MYO9B: variants seen among roughly 807,000 people sequenced by gnomAD.
The protein encoded by MYO9B is myosin IXB.
MYO9B carries 71 observed loss-of-function variants against 229.5 expected under a neutral mutation model. The ratio of observed to expected loss-of-function variants is 0.31; its 90% CI spans 0.26 to 0.38. The LOEUF is 0.38. Ranked by LOEUF, MYO9B falls within the 10% of genes least tolerant of loss-of-function variation. The pLI is 1.00. For missense variants in MYO9B, 2,255 were observed against 2,920.5 expected, an observed-to-expected ratio of 0.77 and a Z score of 5.25; for synonymous variants, 1,185 against 1,235.8, an observed-to-expected ratio of 0.96 and a Z score of 0.86.
chr19:17,197,908 G>C (rs769374789), intron 23 of MYO9B, 50 bp downstream of exon 23: 3 of 1,601,854 alleles, frequency 1.9e-6, no homozygotes, highest in Non-Finnish European at 2.6e-6. Context: ...ACAAAAATCA[G>C]CCAGGCGTGG....
intron 36 of MYO9B, 68 bp from the exon 37 acceptor site, chr19:17,210,264 AT>A: frequency 6.9e-7 from 1 of 1,450,986 alleles, no homozygotes; most frequent in Non-Finnish European, 9.2e-7. Flanking sequence ...CGGTCATTGG[AT>A]GTATCCCCAG....
In MYO9B at chr19:17,179,685, C is replaced by T. The variant is rs1276873141; in HGVS notation, c.2220-1242C>T. Among the ~76,000 whole-genome samples the T allele has an allele frequency of 4.0e-5, 6 of 151,852 alleles. No individual in the cohort carries two copies. In the East Asian group the frequency reaches 9.9e-4, roughly 25 times the overall value. ...CAGGTGATCTGCCCTGCTCAGCCTC[C>T]GAAAGTGCTGGGATTACAGGCATGA... On this transcript the variant is annotated intron_variant, in intron 14 of 39. Transcript: ENST00000682292.
intron 2 of MYO9B, among the ~76,000 whole-genome samples, chr19:17,123,448 G>A (rs1363331924): frequency 6.6e-6 from 1 of 151,730 alleles, no homozygotes; most frequent in African/African-American, 2.4e-5. Context: ...GTGTGTGTGT[G>A]TGTGTGTGTG....
At chr19:17,108,313 C>T (rs1372765176) in intron 2 of MYO9B, among the ~76,000 whole-genome samples, 1 of 152,194 alleles carries the variant, frequency 6.6e-6, no homozygotes, top group Admixed American at 6.5e-5. Context: ...AATAAACGTG[C>T]TTCCTGGGGC....
intron 20 of MYO9B, 51 bp from the exon 21 acceptor site, chr19:17,192,695 G>C: frequency 6.9e-7 from 1 of 1,452,996 alleles, no homozygotes. Flanking sequence ...CAGGCACAGA[G>C]ATGGTGTCAG....
intron 38 of MYO9B, among the ~76,000 whole-genome samples, chr19:17,211,324 T>G (rs545257305): frequency 1.3e-5 from 2 of 152,270 alleles, no homozygotes; most frequent in South Asian, 4.2e-4. Context: ...CAGGCTGGAT[T>G]GCAGTGGTGC....
intron 1 of MYO9B, among the ~76,000 whole-genome samples, chr19:17,086,716 C>T (rs1277351641): frequency 6.6e-6 from 1 of 152,096 alleles, no homozygotes; most frequent in Non-Finnish European, 1.5e-5. Context: ...CCTGTCTCTA[C>T]TAAAAATACA....
rs142373029 is a variant in MYO9B, at chr19:17,083,458, C to T, written c.-59+7584C>T. Among the ~76,000 whole-genome samples the T allele has an allele frequency of 3.7e-3, 566 of 152,230 alleles. 1 individual carries two copies. Among genetic ancestry groups the T allele is most frequent in the African/African-American group, 0.013 (527 of 41,538 alleles). On this transcript the variant is annotated intron_variant, in intron 1 of 39. Coordinates refer to ENST00000682292, the MANE Select transcript of MYO9B (RefSeq NM_004145.4). ...TTGAACAGCATCCCCGGCCTCCACC[C>T]TTCAGATGCCAGTAGCACCCCCTGC...
At chr19:17,205,810 C>T (rs2073153444) in intron 31 of MYO9B, 150 bp from the exon 32 acceptor site, 1 of 820,874 alleles carries the variant, frequency 1.2e-6, no homozygotes, top group Non-Finnish European at 1.8e-6. Flanking sequence ...CCCCACACCC[C>T]CAACAACCAC....
intron 29 of MYO9B, 52 bp from the exon 30 acceptor site, chr19:17,203,095 G>T: frequency 6.7e-7 from 1 of 1,483,488 alleles, no homozygotes; most frequent in South Asian, 1.2e-5. Flanking sequence ...CCAGTGGCTG[G>T]GGAGGGCTGC....
intron 2 of MYO9B, 96 bp downstream of exon 2, chr19:17,102,653 T>G: frequency 7.0e-7 from 1 of 1,433,078 alleles, no homozygotes; most frequent in Non-Finnish European, 9.2e-7. Context: ...ATAATCCCAA[T>G]GCTTTGGAAG....
At chr19:17,186,304 C>T (rs1427818338) in intron 18 of MYO9B, among the ~76,000 whole-genome samples, 1 of 152,162 alleles carries the variant, frequency 6.6e-6, no homozygotes, top group Non-Finnish European at 1.5e-5. Context: ...AAGGCAGAGG[C>T]TGAGATTACA....
chr19:17,183,542 A>G (rs1255481729), intron 15 of MYO9B, among the ~76,000 whole-genome samples: 5 of 152,134 alleles, frequency 3.3e-5, no homozygotes, highest in Non-Finnish European at 7.4e-5. Context: ...CTTCTCAGAC[A>G]TCCGAATGGC....
intron 2 of MYO9B, among the ~76,000 whole-genome samples, chr19:17,137,586 C>T (rs1182980807): frequency 6.6e-6 from 1 of 152,120 alleles, no homozygotes. Context: ...TGAGCTCCTC[C>T]CTGTTTCCTT....
chr19:17,140,494 CTT>C (rs112851769), intron 2 of MYO9B, among the ~76,000 whole-genome samples: 1,897 of 147,084 alleles, frequency 0.013, 49 homozygotes, highest in African/African-American at 0.043. Context: ...GGTTAGATTT[CTT>C]TTTTTTTTTT....
chr19:17,162,213 G>A, intron 8 of MYO9B, 137 bp from the exon 9 acceptor site: 1 of 657,022 alleles, frequency 1.5e-6, no homozygotes, highest in Non-Finnish European at 2.6e-6. Context: ...GCTGAGACAG[G>A]AGAATCTCTT....
Position 17,212,236 on chromosome 19 carries a change from C to T in MYO9B, c.6400C>T (p.Pro2134Ser). ...LEPLEEDGQPPGAKRRYSDPP... is the reference protein window; with the variant it reads ...LEPLEEDGQPSGAKRRYSDPP... Reference sequence around the variant, plus strand: ...GCCCCTAGAAGAGGATGGCCAGCCACCTGGGGCCAAGCGGAGGTACTCGGA... The same window carrying T: ...GCCCCTAGAAGAGGATGGCCAGCCATCTGGGGCCAAGCGGAGGTACTCGGA... Residue 2134 changes from proline (P) to serine (S), a missense_variant, in exon 40 of 40, where the codon CCT becomes TCT. By Grantham distance (74) the Pro-to-Ser change is moderately conservative (BLOSUM62 -1). This residue lies in a region of MYO9B where 331 missense variants were observed against 332.5 expected (regional missense o/e 1.00). Coordinates refer to ENST00000682292, the MANE Select transcript of MYO9B (RefSeq NM_004145.4). The surrounding 1 kb of genome is among the most constrained non-coding windows in gnomAD (Gnocchi z 5.4). 1 of 1,581,598 alleles carries T rather than the reference C, an allele frequency of 6.3e-7. No individual in the cohort carries two copies. Among genetic ancestry groups the T allele is most frequent in the Non-Finnish European group, 8.6e-7 (1 of 1,166,370 alleles).
chr19:17,127,289 C>A (rs1377785579), intron 2 of MYO9B, among the ~76,000 whole-genome samples: 1 of 149,416 alleles, frequency 6.7e-6, no homozygotes, highest in Non-Finnish European at 1.5e-5. Flanking sequence ...CAGGCATGAT[C>A]CACCATGCCC....
intron 2 of MYO9B, among the ~76,000 whole-genome samples, chr19:17,111,386 G>T (rs1468491607): frequency 6.6e-6 from 1 of 152,144 alleles, no homozygotes; most frequent in Non-Finnish European, 1.5e-5. Flanking sequence ...TTTATAAATA[G>T]ATACCTTATA....
Sources: gnomAD v4.1 joint callset for allele counts (sites outside exome capture counted in the v4.1 genomes callset) on GRCh38, gnomAD v4.1.1 for gene constraint, gnomAD v4.1.1 regional missense constraint, Gnocchi (gnomAD v3.1) non-coding constraint, MANE v1.5 for transcripts, NCBI Gene and HGNC (gene_info 2026-07-23, HGNC 2026-07-21) for gene names.